The following DCC variants were observed in gnomAD, a reference collection of about 807,000 sequenced individuals.
The protein encoded by DCC is netrin receptor DCC.
A neutral mutation model predicts 172.5 loss-of-function variants in DCC; 58 were observed. The observed-to-expected ratio is 0.34, with a 90% CI of 0.27 to 0.42. The LOEUF is 0.42. DCC is among the 10% of genes least tolerant of loss of function. The pLI is 1.00. For missense variants in DCC, 1,740 were observed against 1,791.0 expected (o/e 0.97, Z 0.51); for synonymous variants, 709 against 644.5 (o/e 1.10, Z -1.52).
chr18:53,002,347 A>G (rs1443454600), intron 5 of DCC, among the ~76,000 whole-genome samples: 1 of 152,174 alleles, frequency 6.6e-6, no homozygotes, highest in South Asian at 2.1e-4. Flanking sequence ...ACAATACAGA[A>G]ATTATAAATG....
At chr18:53,380,468 C>T (rs1422928095) in intron 15 of DCC, among the ~76,000 whole-genome samples, 1 of 152,066 alleles carries the variant, frequency 6.6e-6, no homozygotes, top group South Asian at 2.1e-4. Context: ...GTTTTTTGTT[C>T]TGGAAGATCA....
chr18:52,722,330 T>C (rs951314407), intron 1 of DCC, among the ~76,000 whole-genome samples: 2 of 152,192 alleles, frequency 1.3e-5, no homozygotes, highest in Admixed American at 6.5e-5. Context: ...CTTCCATCTG[T>C]GGCAGAGATA....
chr18:53,436,680 C>T (rs1911961984), intron 22 of DCC, among the ~76,000 whole-genome samples: 1 of 152,138 alleles, frequency 6.6e-6, no homozygotes, highest in Non-Finnish European at 1.5e-5. Flanking sequence ...CTGGCAATAC[C>T]TTCCTCTGTT....
chr18:53,203,898 G>T (rs1042947774), intron 9 of DCC, among the ~76,000 whole-genome samples: 2 of 152,080 alleles, frequency 1.3e-5, no homozygotes, highest in South Asian at 4.1e-4. Context: ...CTATATACAG[G>T]TCCATATGCA....
At chr18:52,381,384 T>C (rs1598877641) in intron 1 of DCC, among the ~76,000 whole-genome samples, 1 of 152,248 alleles carries the variant, frequency 6.6e-6, no homozygotes. Context: ...CCTTATCAAA[T>C]AATACACTAT....
At chr18:52,418,456 G>A (rs1433461698) in intron 1 of DCC, among the ~76,000 whole-genome samples, 5 of 152,118 alleles carry the variant, frequency 3.3e-5, no homozygotes, top group Admixed American at 6.6e-5. Context: ...CAGAAGTTAC[G>A]TACGTCCAAA....
intron 7 of DCC, among the ~76,000 whole-genome samples, chr18:53,128,870 C>CACACATATATATATATAT (rs1300738812): frequency 2.6e-5 from 2 of 77,480 alleles, no homozygotes; most frequent in Non-Finnish European, 2.3e-5. Flanking sequence ...CACACACACA[C>CACACATATATATATATAT]ATATATATAT....
chr18:52,792,304 T>C (rs1413615306), intron 2 of DCC, among the ~76,000 whole-genome samples: 1 of 152,182 alleles, frequency 6.6e-6, no homozygotes, highest in Admixed American at 6.6e-5. Context: ...ATTATTTCCC[T>C]GAATTGTAAA....
chr18:52,392,874 G>A (rs1451448929), intron 1 of DCC, among the ~76,000 whole-genome samples: 1 of 152,050 alleles, frequency 6.6e-6, no homozygotes, highest in Non-Finnish European at 1.5e-5. Flanking sequence ...AATACCAATA[G>A]CATCCTGTTT....
intron 12 of DCC, among the ~76,000 whole-genome samples, chr18:53,243,125 T>C (rs2056323200): frequency 6.6e-6 from 1 of 152,068 alleles, no homozygotes; most frequent in Admixed American, 6.6e-5. Flanking sequence ...GAGAAAACAG[T>C]CCTATTTTGG....
At chr18:52,465,641 T>G (rs1346668093) in intron 1 of DCC, among the ~76,000 whole-genome samples, 1 of 152,148 alleles carries the variant, frequency 6.6e-6, no homozygotes, top group Non-Finnish European at 1.5e-5. Flanking sequence ...CTTGAAGTCA[T>G]TCAATTCAGT....
intron 5 of DCC, among the ~76,000 whole-genome samples, chr18:52,988,260 T>C (rs910484491): frequency 6.0e-5 from 6 of 100,114 alleles, no homozygotes; most frequent in African/African-American, 1.6e-4. Flanking sequence ...TCTGGGTGTT[T>C]CTGTAAAAAA....
chr18:53,339,598 G>A, intron 14 of DCC, 115 bp from the exon 15 acceptor site: 1 of 821,490 alleles, frequency 1.2e-6, no homozygotes, highest in South Asian at 1.4e-5. Context: ...TTGGGCAATA[G>A]GTGATGCATT....
At chr18:53,444,843 T>G (rs1912501423) in intron 22 of DCC, among the ~76,000 whole-genome samples, 1 of 152,220 alleles carries the variant, frequency 6.6e-6, no homozygotes, top group African/African-American at 2.4e-5. Flanking sequence ...TTTATTTCCC[T>G]CATGATTTGT....
chr18:53,010,139 A>G (rs1403790194), intron 5 of DCC, among the ~76,000 whole-genome samples: 1 of 151,890 alleles, frequency 6.6e-6, no homozygotes, highest in South Asian at 2.1e-4. Context: ...CCCCAAGCTT[A>G]TTTCATGCCA....
At chr18:53,071,110 G>A (rs2042645705) in intron 7 of DCC, among the ~76,000 whole-genome samples, 1 of 152,198 alleles carries the variant, frequency 6.6e-6, no homozygotes, top group African/African-American at 2.4e-5. Context: ...ATAACAATCT[G>A]CTTCTCGCTG....
intron 5 of DCC, among the ~76,000 whole-genome samples, chr18:53,060,702 G>A (rs773029306): frequency 2.0e-5 from 3 of 151,958 alleles, no homozygotes; most frequent in Admixed American, 2.0e-4. Flanking sequence ...AAGGTTTTAG[G>A]GATTCACTAC....
At chr18:53,428,786 TAATA>T (rs1242295916) in intron 21 of DCC, among the ~76,000 whole-genome samples, 1 of 47,952 alleles carries the variant, frequency 2.1e-5, no homozygotes, top group East Asian at 5.5e-4. Flanking sequence ...ATTTTATATA[TAATA>T]AATTATATAT....
intron 1 of DCC, among the ~76,000 whole-genome samples, chr18:52,655,150 G>A (rs1353891803): frequency 2.0e-5 from 3 of 151,926 alleles, no homozygotes. Flanking sequence ...GAGAGAAGAG[G>A]GGAACAACAT....
Sources: allele counts gnomAD v4.1 joint callset (sites outside exome capture counted in the v4.1 genomes callset), GRCh38; gene constraint gnomAD v4.1.1; transcripts MANE v1.5; gene names NCBI Gene and HGNC (gene_info 2026-07-23, HGNC 2026-07-21).